RSRC1: variants seen among roughly 807,000 people sequenced by gnomAD.
RSRC1 encodes the protein arginine and serine rich coiled-coil 1.
In RSRC1, 39 loss-of-function variants were observed where a neutral mutation model predicts 49.1. The observed-to-expected ratio is 0.79, with a 90% CI of 0.61 to 1.04. The LOEUF is 1.04. Among genes scored for constraint, RSRC1 ranks in the 50% least tolerant of loss-of-function variants. The pLI is 0.00. For synonymous variants in RSRC1, 143 were observed against 130.8 expected, an observed-to-expected ratio of 1.09 and a Z score of -0.63; for missense variants, 388 against 402.4, an observed-to-expected ratio of 0.96 and a Z score of 0.31.
intron 5 of RSRC1, among the ~76,000 whole-genome samples, chr3:158,319,855 A>G (rs932654453): frequency 2.6e-5 from 4 of 152,216 alleles, no homozygotes; most frequent in Non-Finnish European, 4.4e-5. Flanking sequence ...TCTCTATTCT[A>G]TGAATTACCT....
chr3:158,313,165 TC>T (rs1484501990), intron 5 of RSRC1, among the ~76,000 whole-genome samples: 3 of 151,984 alleles, frequency 2.0e-5, no homozygotes, highest in African/African-American at 7.2e-5. Flanking sequence ...CTTTCACTGA[TC>T]CATCCCATCC....
At chr3:158,202,856 A>G (rs949688253) in intron 3 of RSRC1, among the ~76,000 whole-genome samples, 1 of 152,040 alleles carries the variant, frequency 6.6e-6, no homozygotes, top group South Asian at 2.1e-4. Flanking sequence ...TAACTGCATC[A>G]TAATTTCCTA....
chr3:158,406,189 A>C (rs1734155381), intron 6 of RSRC1, among the ~76,000 whole-genome samples: 1 of 152,134 alleles, frequency 6.6e-6, no homozygotes, highest in African/African-American at 2.4e-5. Context: ...ATTATTGTTC[A>C]TAAGCTTATT....
At chr3:158,209,461 T>G (rs73874333) in intron 4 of RSRC1, among the ~76,000 whole-genome samples, 11,623 of 152,144 alleles carry the variant, frequency 0.076, 532 homozygotes, top group South Asian at 0.13. Flanking sequence ...CCCAAACCAT[T>G]GCATTCTGTT....
chr3:158,349,113 G>T (rs1351081766), intron 5 of RSRC1, among the ~76,000 whole-genome samples: 1 of 151,968 alleles, frequency 6.6e-6, no homozygotes, highest in Non-Finnish European at 1.5e-5. Flanking sequence ...ATTGAATGGT[G>T]GTTCTATTTT....
chr3:158,408,229 A>G (rs911979585), intron 6 of RSRC1, among the ~76,000 whole-genome samples: 1 of 152,162 alleles, frequency 6.6e-6, no homozygotes, highest in Non-Finnish European at 1.5e-5. Flanking sequence ...TCAACCTTCT[A>G]ACTGATGTAT....
chr3:158,460,224 AT>A (rs1045350801), intron 6 of RSRC1, among the ~76,000 whole-genome samples: 1 of 151,934 alleles, frequency 6.6e-6, no homozygotes. Context: ...ATAAAGGAGA[AT>A]CGCTCCTTTG....
At chr3:158,206,780 G>C (rs1375362252) in intron 4 of RSRC1, among the ~76,000 whole-genome samples, 1 of 152,070 alleles carries the variant, frequency 6.6e-6, no homozygotes, top group Non-Finnish European at 1.5e-5. Flanking sequence ...TGGGCATAGT[G>C]GTGCGTGCCT....
At chr3:158,235,800 T>C (rs529782831) in intron 4 of RSRC1, among the ~76,000 whole-genome samples, 11 of 152,272 alleles carry the variant, frequency 7.2e-5, no homozygotes, top group African/African-American at 2.4e-4. Context: ...TAAATAGAAC[T>C]TTAGCAAATA....
chr3:158,146,261 G>C (rs1308368921), intron 3 of RSRC1, among the ~76,000 whole-genome samples: 2 of 152,102 alleles, frequency 1.3e-5, no homozygotes, highest in African/African-American at 4.8e-5. Flanking sequence ...TATTGGCTGT[G>C]GGTTTGTCAT....
intron 6 of RSRC1, among the ~76,000 whole-genome samples, chr3:158,454,580 T>C (rs1305656533): frequency 6.6e-6 from 1 of 152,154 alleles, no homozygotes; most frequent in Admixed American, 6.5e-5. Flanking sequence ...GTTACCAAGA[T>C]GCAATCAGTA....
At chr3:158,423,373 G>A (rs1735192230) in intron 6 of RSRC1, among the ~76,000 whole-genome samples, 1 of 152,008 alleles carries the variant, frequency 6.6e-6, no homozygotes, top group Non-Finnish European at 1.5e-5. Flanking sequence ...GTTTGTCAAA[G>A]ATCAGATAGT....
intron 5 of RSRC1, among the ~76,000 whole-genome samples, chr3:158,307,279 C>T (rs1362121876): frequency 6.6e-6 from 1 of 151,764 alleles, no homozygotes; most frequent in Non-Finnish European, 1.5e-5. Flanking sequence ...TGGCACTTAA[C>T]CTTTGGAGGA....
At chr3:158,480,394 ATAATT>A (rs1241074460) in intron 7 of RSRC1, among the ~76,000 whole-genome samples, 2 of 151,986 alleles carry the variant, frequency 1.3e-5, no homozygotes, top group Non-Finnish European at 2.9e-5. Flanking sequence ...TAATTAATCT[ATAATT>A]TATTTAAAGT....
At chr3:158,309,802 A>T (rs896984443) in intron 5 of RSRC1, among the ~76,000 whole-genome samples, 7 of 151,700 alleles carry the variant, frequency 4.6e-5, no homozygotes, top group Non-Finnish European at 1.0e-4. Flanking sequence ...GTTTCTGGAA[A>T]TGACCTCCTA....
At position 158,466,859 on chromosome 3, in the gene RSRC1, C is replaced by G. The variant is rs138147322; in HGVS notation, c.652+5856C>G. Among the ~76,000 whole-genome samples the G allele has an allele frequency of 1.8e-4, 27 of 152,154 alleles. No homozygotes were observed. The East Asian group carries it at 2.9e-3, about 16-fold the overall frequency. ...GGAGGGTTGCTTGAGCCCGGGAGTT[C>G]GAGACTAGCCTGGGCAATATAGTGA... On this transcript the variant is annotated intron_variant, in intron 7 of 9. Coordinates refer to ENST00000611884, the MANE Select transcript of RSRC1 (RefSeq NM_001271838.2).
intron 8 of RSRC1, among the ~76,000 whole-genome samples, chr3:158,537,504 G>C (rs1712782402): frequency 6.6e-6 from 1 of 151,380 alleles, no homozygotes; most frequent in Non-Finnish European, 1.5e-5. Context: ...TAACATACAT[G>C]GTTTTCTTTT....
intron 5 of RSRC1, among the ~76,000 whole-genome samples, chr3:158,326,591 T>C (rs6807468): frequency 0.22 from 33,127 of 152,116 alleles, 4,184 homozygotes; most frequent in Non-Finnish European, 0.29. Context: ...AACTAGATCA[T>C]GGTGGATAAG....
chr3:158,231,062 G>A (rs1722917217), intron 4 of RSRC1, among the ~76,000 whole-genome samples: 1 of 150,334 alleles, frequency 6.7e-6, no homozygotes, highest in Admixed American at 6.6e-5. Context: ...CTATAGAAAT[G>A]CTTTCCTGTA....
Sources: allele counts gnomAD v4.1 joint callset (sites outside exome capture counted in the v4.1 genomes callset), GRCh38; gene constraint gnomAD v4.1.1; transcripts MANE v1.5; gene names NCBI Gene and HGNC (gene_info 2026-07-23, HGNC 2026-07-21).